CRACR2A: variants seen among roughly 807,000 people sequenced by gnomAD.
The protein encoded by CRACR2A is EF-hand calcium-binding domain-containing protein 4B.
In CRACR2A, 79 loss-of-function variants were observed where a neutral mutation model predicts 90.5. That is an observed-to-expected ratio of 0.87 (90% CI 0.73 to 1.05). The LOEUF (loss-of-function observed/expected upper bound fraction) is 1.05, where lower values mean the gene tolerates loss of function less well. Among genes scored for constraint, CRACR2A ranks in the 50% least tolerant of loss-of-function variants. The pLI, the probability that CRACR2A is intolerant of heterozygous loss-of-function variation, is 0.00. For synonymous variants in CRACR2A, 338 were observed against 356.7 expected (o/e 0.95, Z 0.59); for missense variants, 823 against 897.2 (o/e 0.92, Z 1.06).
chr12:3,720,283 A>AAGAG (rs1946139752), intron 2 of CRACR2A, among the ~76,000 whole-genome samples: 1 of 143,282 alleles, frequency 7.0e-6, no homozygotes, highest in Admixed American at 6.9e-5. Flanking sequence ...GAGAGAGAGA[A>AAGAG]AGAAAGAAAG....
rs968270251 is a variant in CRACR2A at position 3,623,802 on chromosome 12, C to T, written c.1932+3634G>A. Among the ~76,000 whole-genome samples, 7 of 152,292 alleles carry T rather than the reference C, an allele frequency of 4.6e-5. 1 individual carries two copies. ...GCCTAGACTGGGTGAAATAGCAGAA[C>T]AAGGGCAAGGCCACAGTCTTCCCAT... On this transcript the variant is annotated intron_variant, in intron 17 of 19. Transcript: ENST00000440314.
intron 19 of CRACR2A, among the ~76,000 whole-genome samples, chr12:3,616,380 G>A (rs1207092382): frequency 1.3e-5 from 2 of 152,234 alleles, no homozygotes; most frequent in Non-Finnish European, 2.9e-5. Flanking sequence ...TATCAGAAAT[G>A]AGTCCCAGCA....
chr12:3,640,794 CA>C, intron 13 of CRACR2A: 1 of 1,305,030 alleles, frequency 7.7e-7, no homozygotes, highest in Non-Finnish European at 1.0e-6. Flanking sequence ...GTGGACACAG[CA>C]CATGCCAAAA....
rs1944411013 is a variant in CRACR2A, at chr12:3,633,577, G to A, written c.1735+27C>T. The stretch of plus-strand genomic sequence containing the variant: ...AACTCCCTTCCCAAAGATGGGCCTA[G>A]GACCCACCTCAGGGATGAGAACTCA... On this transcript the variant is annotated intron_variant, in intron 15 of 19. Coordinates refer to ENST00000440314, the MANE Select transcript of CRACR2A (RefSeq NM_001144958.2). The surrounding 1 kb of genome is among the most constrained non-coding windows in gnomAD (Gnocchi z 4.5). The A allele has an allele frequency of 6.4e-7, 1 of 1,551,562 alleles. No homozygotes were observed. Among genetic ancestry groups the A allele is most frequent in the Non-Finnish European group, 8.7e-7 (1 of 1,146,922 alleles).
chr12:3,687,335 T>C (rs1945576587), intron 4 of CRACR2A, among the ~76,000 whole-genome samples: 1 of 152,134 alleles, frequency 6.6e-6, no homozygotes, highest in Non-Finnish European at 1.5e-5. Context: ...CCGGATCCTC[T>C]CCCTTCTTCC....
At chr12:3,702,408 A>G (rs551116507) in intron 3 of CRACR2A, among the ~76,000 whole-genome samples, 18 of 152,338 alleles carry the variant, frequency 1.2e-4, no homozygotes, top group African/African-American at 3.8e-4. Context: ...AAAAAATCTG[A>G]TGAAATTCAC....
At chr12:3,670,931 A>G (rs1177922120) in intron 7 of CRACR2A, among the ~76,000 whole-genome samples, 1 of 152,240 alleles carries the variant, frequency 6.6e-6, no homozygotes, top group Non-Finnish European at 1.5e-5. Context: ...CCCCAGAGCA[A>G]GCATGGCTGG....
intron 17 of CRACR2A, among the ~76,000 whole-genome samples, chr12:3,623,566 G>A (rs945413065): frequency 2.6e-5 from 4 of 152,184 alleles, no homozygotes; most frequent in Admixed American, 1.3e-4. Context: ...ATGGCCACAC[G>A]TGGGGCCTTA....
chr12:3,644,589 A>G lies in CRACR2A; in HGVS notation c.1164+6T>C. ...CCCCACAGGTAAGGGAGAACTGGCC[A>G]ATTACCTGAAAACATATGTCCCGTT... On this transcript the variant is annotated splice_donor_region_variant and intron_variant, in intron 12 of 19. Transcript: ENST00000440314. The G allele has an allele frequency of 1.3e-6, 2 of 1,551,342 alleles. No homozygotes were observed. The highest frequency in any genetic ancestry group is 1.7e-6 in the Non-Finnish European group (2 of 1,146,964).
At chr12:3,644,717 C>T in intron 11 of CRACR2A, 77 bp from the exon 12 acceptor site, 1 of 1,305,098 alleles carries the variant, frequency 7.7e-7, no homozygotes, top group Non-Finnish European at 1.1e-6. Flanking sequence ...ATTTGCTATT[C>T]AGATGGGTGC....
chr12:3,663,905 T>G (rs1945082551), intron 7 of CRACR2A, among the ~76,000 whole-genome samples: 1 of 152,244 alleles, frequency 6.6e-6, no homozygotes, highest in Non-Finnish European at 1.5e-5. Context: ...CTCCTCCACT[T>G]TGTGCTTCTG....
At chr12:3,674,482 C>T (rs1945306512) in intron 6 of CRACR2A, among the ~76,000 whole-genome samples, 2 of 152,088 alleles carry the variant, frequency 1.3e-5, no homozygotes, top group Admixed American at 6.6e-5. Context: ...AATCTGTGGC[C>T]AATGATCAAG....
At chr12:3,619,858 C>T (rs1944100129) in intron 17 of CRACR2A, among the ~76,000 whole-genome samples, 1 of 152,240 alleles carries the variant, frequency 6.6e-6, no homozygotes, top group Admixed American at 6.5e-5. Context: ...CTAGAGGCCT[C>T]CTGATTGCAC....
chr12:3,696,908 T>G lies in CRACR2A; in HGVS notation c.92A>C (p.His31Pro). ...CTTCTGCTCCAGGCTGTCCAGGGGA[T>G]GCAGGCAGGCTCCACTCCCCTTTGG... ...QGPKGSGACL[H>P]PLDSLEQKET... Residue 31 changes from histidine to proline, a missense_variant, in exon 4 of 20, where the codon CAT (histidine) becomes CCT (proline). By Grantham distance (77) the His-to-Pro change is moderately conservative (BLOSUM62 -2). Coordinates refer to ENST00000440314, the MANE Select transcript of CRACR2A (RefSeq NM_001144958.2). 1.2e-6 allele frequency: 2 copies of G among 1,614,224 alleles called. No homozygotes were observed. Among genetic ancestry groups the G allele is most frequent in the Non-Finnish European group, 1.7e-6 (2 of 1,180,032 alleles).
chr12:3,670,054 C>T (rs1163923350), intron 7 of CRACR2A, among the ~76,000 whole-genome samples: 2 of 152,242 alleles, frequency 1.3e-5, no homozygotes, highest in Non-Finnish European at 2.9e-5. Flanking sequence ...CATCTAAGCG[C>T]TATCTCCTTG....
chr12:3,692,776 C>G (rs1035862813), intron 4 of CRACR2A, among the ~76,000 whole-genome samples: 15 of 152,084 alleles, frequency 9.9e-5, no homozygotes, highest in Non-Finnish European at 1.6e-4. Flanking sequence ...GCCAGAGGCC[C>G]CTGTGGGCAA....
intron 4 of CRACR2A, among the ~76,000 whole-genome samples, chr12:3,691,130 G>T (rs1945643567): frequency 6.6e-6 from 1 of 152,114 alleles, no homozygotes; most frequent in Admixed American, 6.5e-5. Flanking sequence ...CCTTTTAATT[G>T]GGGGCATTTA....
At chr12:3,667,486 T>C (rs992690101) in intron 7 of CRACR2A, among the ~76,000 whole-genome samples, 9 of 152,050 alleles carry the variant, frequency 5.9e-5, no homozygotes, top group African/African-American at 2.2e-4. Context: ...TGACTCCCAT[T>C]CCCCCATGTT....
At chr12:3,696,618 C>T (rs2137700383) in intron 4 of CRACR2A, among the ~76,000 whole-genome samples, 154 bp downstream of exon 4, 1 of 152,282 alleles carries the variant, frequency 6.6e-6, no homozygotes, top group African/African-American at 2.4e-5. Context: ...GGAGGTCCGG[C>T]TCCTAGTAGA....
Sources: gnomAD v4.1 joint callset for allele counts (sites outside exome capture counted in the v4.1 genomes callset) on GRCh38, gnomAD v4.1.1 for gene constraint, Gnocchi (gnomAD v3.1) non-coding constraint, MANE v1.5 for transcripts, NCBI Gene and HGNC (gene_info 2026-07-23, HGNC 2026-07-21) for gene names.